The following ARHGEF10 variants were observed in gnomAD, a reference collection of about 807,000 sequenced individuals.
ARHGEF10 encodes the protein Rho guanine nucleotide exchange factor (GEF) 10.
A neutral mutation model predicts 147.4 loss-of-function variants in ARHGEF10; 140 were observed. That is an observed-to-expected ratio of 0.95 (90% CI 0.83 to 1.09). The LOEUF (loss-of-function observed/expected upper bound fraction) is 1.09, where lower values mean the gene tolerates loss of function less well. Among genes scored for constraint, ARHGEF10 ranks in the 50% least tolerant of loss-of-function variants. ARHGEF10 has a pLI of 0.00. For synonymous variants in ARHGEF10, 902 were observed against 695.8 expected (o/e 1.30, Z -4.67); for missense variants, 2,222 against 1,752.7 (o/e 1.27, Z -4.78).
At position 1,888,159 on chromosome 8, in the gene ARHGEF10, G is replaced by GT. The variant is rs774047757; in HGVS notation, c.1182+2454dup. Among the ~76,000 whole-genome samples, 167 of 83,224 alleles carry GT rather than the reference G, an allele frequency of 2.0e-3. 11 individuals carry two copies. The highest frequency in any genetic ancestry group is 0.016 in the Middle Eastern group (3 of 190). 54.6% of individuals were successfully genotyped at this position (83,224 alleles called of 152,430 possible). On this transcript the variant is annotated intron_variant, in intron 11 of 28. Transcript: ENST00000349830. ...CGAGGAGACACTTAGTGGGGCGAGG[G>GT]TTGCGAGGAGACAGTGAGTGGGGTG...
chr8:1,912,738 A>G (rs2129189069), intron 18 of ARHGEF10, among the ~76,000 whole-genome samples: 1 of 152,216 alleles, frequency 6.6e-6, no homozygotes, highest in African/African-American at 2.4e-5. Flanking sequence ...CTGTTTTGAA[A>G]AATGTCGTGT....
At chr8:1,868,320 A>T (rs2129091286) in intron 6 of ARHGEF10, among the ~76,000 whole-genome samples, 1 of 152,314 alleles carries the variant, frequency 6.6e-6, no homozygotes, top group East Asian at 1.9e-4. Flanking sequence ...TATGTGGCTG[A>T]GGAAGCGGTT....
intron 11 of ARHGEF10, among the ~76,000 whole-genome samples, chr8:1,893,301 T>G (rs1205054285): frequency 6.6e-6 from 1 of 152,202 alleles, no homozygotes; most frequent in Non-Finnish European, 1.5e-5. Flanking sequence ...TATCGTTGCA[T>G]AAATGAAGGA....
At chr8:1,845,637 T>C (rs925977574) in intron 2 of ARHGEF10, among the ~76,000 whole-genome samples, 2 of 152,160 alleles carry the variant, frequency 1.3e-5, no homozygotes, top group Non-Finnish European at 2.9e-5. Flanking sequence ...AACACCGTTT[T>C]CTCATTAAAT....
rs561867986 is a variant in ARHGEF10 at position 1,892,665 on chromosome 8, C to T, written c.1183-904C>T. Among the ~76,000 whole-genome samples, 18 of 146,714 alleles carry T rather than the reference C, an allele frequency of 1.2e-4. 1 individual carries two copies. Among genetic ancestry groups the T allele is most frequent in the Admixed American group, 4.2e-4 (6 of 14,428 alleles). On this transcript the variant is annotated intron_variant, in intron 11 of 28. Coordinates refer to ENST00000349830, the MANE Select transcript of ARHGEF10 (RefSeq NM_014629.4). ...TGTGTGTGTGTGGTGTGCTTCCGTG[C>T]GCGCACGTGTGTGTTATCTTGCACA...
intron 26 of ARHGEF10, among the ~76,000 whole-genome samples, chr8:1,941,998 A>T (rs556212133): frequency 6.6e-6 from 1 of 152,286 alleles, no homozygotes; most frequent in African/African-American, 2.4e-5. Context: ...TGTAAAAGCT[A>T]AAACTATAAA....
rs370332891 is a variant in ARHGEF10, at chr8:1,928,509, A to T, written c.2780A>T (p.Asn927Ile). 3.7e-6 allele frequency: 6 copies of T among 1,614,186 alleles called. No individual in the cohort carries two copies. Among genetic ancestry groups the T allele is most frequent in the South Asian group, 2.2e-5 (2 of 91,072 alleles). Residue 927 changes from asparagine (N) to isoleucine (I), a missense_variant, in exon 24 of 29, where the codon AAC (asparagine) becomes ATC (isoleucine). Transcript: ENST00000349830. ...ACTCCCAAAGTCATTGAGTGCTTCA[A>T]CGTGGAATCTCGCATCCTGTGCATG... is the stretch of plus-strand genomic sequence containing the variant. ...NSTPKVIECF[N>I]VESRILCMLY...
rs1802566824 is a variant in ARHGEF10, at chr8:1,823,934, G to A, written c.-227G>A. ...CAGGCCGTCCGGGCGGGAGGGGCTG[G>A]GCGCATCCCTGTAGCCGGCGGGCGC... is the stretch of plus-strand genomic sequence containing the variant. On this transcript the variant is annotated 5_prime_UTR_variant, in exon 1 of 29. Coordinates refer to ENST00000349830, the MANE Select transcript of ARHGEF10 (RefSeq NM_014629.4). 6.6e-6 allele frequency: 1 copy of A among 151,808 alleles called. No homozygotes were observed. The highest frequency in any genetic ancestry group is 2.0e-4 in the East Asian group (1 of 5,088). The allele number at this position is 151,808 out of a possible 1,614,324, so 9.4% of individuals were successfully genotyped here. A position where few individuals can be genotyped will look rare whatever the true frequency, so the allele number is the denominator to read the frequency against.
intron 18 of ARHGEF10, among the ~76,000 whole-genome samples, chr8:1,915,757 G>A (rs1811714616): frequency 6.6e-6 from 1 of 152,232 alleles, no homozygotes; most frequent in African/African-American, 2.4e-5. Context: ...TCAACAGGAG[G>A]CAGGGAGAAG....
chr8:1,869,456 G>C, intron 7 of ARHGEF10: 1 of 687,740 alleles, frequency 1.5e-6, no homozygotes, highest in Non-Finnish European at 2.7e-6. Flanking sequence ...AAATAGGGCA[G>C]TTTAATCTTA....
chr8:1,946,974 A>G (rs1032877446), intron 27 of ARHGEF10, among the ~76,000 whole-genome samples: 1 of 152,244 alleles, frequency 6.6e-6, no homozygotes, highest in African/African-American at 2.4e-5. Context: ...TTAGTGAGAA[A>G]AGGAGGTTTA....
chr8:1,881,000 G>A (rs1233138006), intron 9 of ARHGEF10, among the ~76,000 whole-genome samples: 1 of 152,186 alleles, frequency 6.6e-6, no homozygotes, highest in Non-Finnish European at 1.5e-5. Context: ...GGGACCTGCC[G>A]GAGGCTGCAG....
chr8:1,916,833 A>G (rs1459882714), intron 18 of ARHGEF10, among the ~76,000 whole-genome samples: 3 of 152,208 alleles, frequency 2.0e-5, no homozygotes, highest in African/African-American at 7.2e-5. Flanking sequence ...AGACAGTAAG[A>G]ATGACCTGTA....
intron 19 of ARHGEF10, 34 bp downstream of exon 19, chr8:1,923,113 C>T (rs752228403): frequency 6.2e-6 from 9 of 1,456,418 alleles, no homozygotes; most frequent in African/African-American, 2.8e-5. Flanking sequence ...TAAGATTCTG[C>T]CTTTACTTAT....
At chr8:1,941,818 A>C (rs569293827) in intron 26 of ARHGEF10, among the ~76,000 whole-genome samples, 1 of 152,276 alleles carries the variant, frequency 6.6e-6, no homozygotes, top group African/African-American at 2.4e-5. Flanking sequence ...CATAATTTTC[A>C]ACACGGTGCC....
intron 1 of ARHGEF10, among the ~76,000 whole-genome samples, chr8:1,825,665 C>G (rs1416804401): frequency 6.6e-6 from 1 of 152,010 alleles, no homozygotes; most frequent in Admixed American, 6.6e-5. Context: ...TCTGAGTACC[C>G]CTCCCGACTG....
In ARHGEF10 at chr8:1,858,074, A is replaced by G; in HGVS notation, c.152A>G (p.Glu51Gly). 1 of 1,613,076 alleles carries G rather than the reference A, an allele frequency of 6.2e-7. No homozygotes were observed. Among genetic ancestry groups the G allele is most frequent in the Non-Finnish European group, 8.5e-7 (1 of 1,179,712 alleles). The change falls in exon 3 of 29, where the codon GAG becomes GGG. Residue 51 changes from glutamate (E) to glycine (G), a missense_variant. Transcript: ENST00000349830. ...GACAGACAGGCCCCATCCGCCCCTG[A>G]GACAGGAGGTGCTGGAGCCAGTGAA... ...EADRQAPSAP[E>G]TGGAGASEAP...
At chr8:1,923,718 C>T (rs1812469883) in intron 20 of ARHGEF10, 56 bp from the exon 21 acceptor site, 7 of 1,613,208 alleles carry the variant, frequency 4.3e-6, no homozygotes, top group Non-Finnish European at 5.1e-6. Context: ...TGTAATTTAA[C>T]CTCACAGGAT....
rs1815667646 is a variant in ARHGEF10, at chr8:1,957,352, C to T, written c.*89C>T. 1.3e-6 allele frequency: 2 copies of T among 1,523,772 alleles called. No individual in the cohort carries two copies. The highest frequency in any genetic ancestry group is 1.4e-5 in the African/African-American group (1 of 73,210). The allele number at this position is 1,523,772 out of a possible 1,614,324, so 94.4% of individuals were successfully genotyped here. On this transcript the variant is annotated 3_prime_UTR_variant, in exon 29 of 29. Coordinates refer to ENST00000349830, the MANE Select transcript of ARHGEF10 (RefSeq NM_014629.4). ...AGCCTGAGTGGTTAAGCTGTGTCTACACTGGTTGGGAATAAATTAAAAACA... is the reference window on the plus strand; with the variant it reads ...AGCCTGAGTGGTTAAGCTGTGTCTATACTGGTTGGGAATAAATTAAAAACA...
Sources: gnomAD v4.1 joint callset for allele counts (sites outside exome capture counted in the v4.1 genomes callset) on GRCh38, gnomAD v4.1.1 for gene constraint, MANE v1.5 for transcripts, NCBI Gene and HGNC (gene_info 2026-07-23, HGNC 2026-07-21) for gene names.